Variants in FRMPD4 observed in about 807,000 individuals in gnomAD.
The protein encoded by FRMPD4 is FERM and PDZ domain-containing protein 4.
Under a neutral mutation model 94.1 loss-of-function variants are expected in FRMPD4, and 22 were observed. The ratio of observed to expected loss-of-function variants is 0.23; its 90% CI spans 0.17 to 0.33. FRMPD4 has a LOEUF of 0.33. Among genes scored for constraint, FRMPD4 ranks in the 10% least tolerant of loss-of-function variants. FRMPD4 has a pLI of 1.00. For synonymous variants in FRMPD4, 631 were observed against 548.6 expected, an observed-to-expected ratio of 1.15 and a Z score of -2.10; for missense variants, 1,111 against 1,339.9, an observed-to-expected ratio of 0.83 and a Z score of 2.67.
chrX:11,848,242 G>A (rs2053594134), intron 1 of FRMPD4, among the ~76,000 whole-genome samples: 1 of 110,592 alleles, frequency 9.0e-6, no homozygotes. Flanking sequence ...CTTGCCTGCA[G>A]TTAATTTGTG....
At chrX:12,136,114 A>G (rs1183413213), upstream of FRMPD4, among the ~76,000 whole-genome samples, 1 of 111,790 alleles carries the variant, frequency 8.9e-6, no homozygotes, top group African/African-American at 3.3e-5. Flanking sequence ...CCACGAAGTC[A>G]TACACAGATC....
chrX:11,864,481 A>G (rs1246177099), intron 1 of FRMPD4, among the ~76,000 whole-genome samples: 2 of 111,275 alleles, frequency 1.8e-5, no homozygotes, highest in Non-Finnish European at 3.8e-5. Context: ...ATTTGCATGC[A>G]CAATTGTACA....
intron 2 of FRMPD4, among the ~76,000 whole-genome samples, chrX:12,518,073 C>A (rs1439006836): frequency 8.9e-6 from 1 of 111,940 alleles, no homozygotes; most frequent in East Asian, 2.8e-4. Context: ...ACTGGAGCTG[C>A]AGCGATGGTG....
intron 1 of FRMPD4, among the ~76,000 whole-genome samples, chrX:12,150,568 AT>A (rs2055833885): frequency 8.9e-6 from 1 of 112,442 alleles, no homozygotes; most frequent in Non-Finnish European, 1.9e-5. Flanking sequence ...TTTAAAGAAA[AT>A]AGAAGGCTAA....
chrX:12,662,047 A>G (rs149555485), intron 4 of FRMPD4, among the ~76,000 whole-genome samples: 7,537 of 111,523 alleles, frequency 0.068, 270 homozygotes, highest in Middle Eastern at 0.14. Context: ...AAAATACCCT[A>G]GGATTGGGGA....
At chrX:12,177,244 T>C (rs935870347) in intron 1 of FRMPD4, among the ~76,000 whole-genome samples, 1 of 112,447 alleles carries the variant, frequency 8.9e-6, no homozygotes, top group African/African-American at 3.2e-5. Flanking sequence ...GAATGGATGA[T>C]CACTGAAGCA....
At chrX:12,139,730 C>T (rs1380215103) in intron 1 of FRMPD4, among the ~76,000 whole-genome samples, 1 of 111,815 alleles carries the variant, frequency 8.9e-6, no homozygotes, top group Admixed American at 9.4e-5. Flanking sequence ...CCAGAGCACT[C>T]CTCCAGGTCT....
intron 2 of FRMPD4, among the ~76,000 whole-genome samples, chrX:12,599,525 T>C (rs908090908): frequency 1.8e-5 from 2 of 111,984 alleles, no homozygotes; most frequent in South Asian, 3.8e-4. Context: ...GGGGCTACTC[T>C]GTTTCATCCC....
chrX:11,854,981 T>C (rs1231784517), intron 1 of FRMPD4, among the ~76,000 whole-genome samples: 1 of 112,053 alleles, frequency 8.9e-6, no homozygotes, highest in Non-Finnish European at 1.9e-5. Flanking sequence ...CCATGAGGGC[T>C]CCACCCCTGC....
intron 1 of FRMPD4, among the ~76,000 whole-genome samples, chrX:12,261,414 G>C (rs1156782048): frequency 2.7e-5 from 3 of 111,712 alleles, no homozygotes; most frequent in Non-Finnish European, 5.6e-5. Context: ...AACTTCAAAA[G>C]CTGGTGATTT....
chrX:12,114,958 T>A (rs748346504), intron 3 of FRMPD4, among the ~76,000 whole-genome samples: 1 of 112,224 alleles, frequency 8.9e-6, no homozygotes, highest in Non-Finnish European at 1.9e-5. Flanking sequence ...TTGCCAGATA[T>A]CTTTTCTGTT....
chrX:12,221,421 C>G lies in FRMPD4; in HGVS notation c.41+82409C>G, dbSNP rs916810019. Among the ~76,000 whole-genome samples, 4 of 112,320 alleles carry G rather than the reference C, an allele frequency of 3.6e-5. No individual in the cohort carries two copies. The South Asian group carries it at 1.5e-3, about 42-fold the overall frequency. The stretch of plus-strand genomic sequence containing the variant: ...ACCACGGGCTTACCATTTAGTTGTT[C>G]TCAAGATGTAGACAAAGGAAAATAC... On this transcript the variant is annotated intron_variant, in intron 1 of 16. Coordinates refer to ENST00000675598, the MANE Select transcript of FRMPD4 (RefSeq NM_001368397.1).
chrX:12,141,222 A>C (rs757196302), intron 1 of FRMPD4, among the ~76,000 whole-genome samples: 1 of 111,959 alleles, frequency 8.9e-6, no homozygotes, highest in Non-Finnish European at 1.9e-5. Context: ...AATCTTCCTA[A>C]AGGATTTAGC....
chrX:12,204,517 C>T (rs2056668235), intron 1 of FRMPD4, among the ~76,000 whole-genome samples: 1 of 111,372 alleles, frequency 9.0e-6, no homozygotes, highest in African/African-American at 3.3e-5. Flanking sequence ...AACCAAGGTG[C>T]GGGCGCTGCA....
intron 2 of FRMPD4, among the ~76,000 whole-genome samples, chrX:12,584,099 A>C (rs2148382685): frequency 8.9e-6 from 1 of 112,070 alleles, no homozygotes; most frequent in East Asian, 2.8e-4. Flanking sequence ...ATTATCTTAC[A>C]TGAAGGGATT....
chrX:12,578,722 C>T (rs1040381418), intron 2 of FRMPD4, among the ~76,000 whole-genome samples: 1 of 111,637 alleles, frequency 9.0e-6, no homozygotes, highest in African/African-American at 3.3e-5. Context: ...AGTTTATATA[C>T]TGTATGTGTA....
chrX:12,591,796 A>G (rs1323499918), intron 2 of FRMPD4, among the ~76,000 whole-genome samples: 1 of 111,760 alleles, frequency 8.9e-6, no homozygotes, highest in Non-Finnish European at 1.9e-5. Context: ...GCTCAGCTGC[A>G]CCATACCCTA....
At chrX:12,061,936 G>A (rs966816308) in intron 3 of FRMPD4, among the ~76,000 whole-genome samples, 2 of 111,663 alleles carry the variant, frequency 1.8e-5, no homozygotes, top group Non-Finnish European at 1.9e-5. Context: ...ATGTTCTTAT[G>A]CTTAGCAAGA....
intron 3 of FRMPD4, among the ~76,000 whole-genome samples, chrX:11,957,986 G>C (rs888255104): frequency 8.0e-5 from 9 of 112,077 alleles, no homozygotes; most frequent in African/African-American, 2.9e-4. Flanking sequence ...TTCCTTAACA[G>C]TATACCCTAA....
Sources: allele counts gnomAD v4.1 joint callset (sites outside exome capture counted in the v4.1 genomes callset), GRCh38; gene constraint gnomAD v4.1.1; transcripts MANE v1.5; gene names NCBI Gene and HGNC (gene_info 2026-07-23, HGNC 2026-07-21).